The following OTOF variants were observed in gnomAD, a reference collection of about 807,000 sequenced individuals.
OTOF encodes fer-1-like family member 2.
A neutral mutation model predicts 236.8 loss-of-function variants in OTOF; 218 were observed. That is an observed-to-expected ratio of 0.92 (90% CI 0.82 to 1.03). OTOF has a LOEUF of 1.03. OTOF is among the 50% of genes least tolerant of loss of function. The pLI is 0.00. For synonymous variants in OTOF, 1,041 were observed against 1,072.5 expected (o/e 0.97, Z 0.57); for missense variants, 2,590 against 2,694.4 (o/e 0.96, Z 0.86).
At chr2:26,522,153 A>G (rs1269446715) in intron 3 of OTOF, among the ~76,000 whole-genome samples, 3 of 152,204 alleles carry the variant, frequency 2.0e-5, no homozygotes, top group Admixed American at 1.3e-4. Flanking sequence ...CCACACCTCC[A>G]AGAGTGGCTT....
intron 15 of OTOF, 25 bp downstream of exon 15, chr2:26,480,761 G>A: frequency 6.3e-7 from 1 of 1,586,486 alleles, no homozygotes; most frequent in Non-Finnish European, 8.6e-7. Context: ...GGCCCTGGGG[G>A]ACAGCACAGT....
chr2:26,536,546 G>A (rs1475143338), intron 2 of OTOF, among the ~76,000 whole-genome samples: 2 of 152,098 alleles, frequency 1.3e-5, no homozygotes, highest in Non-Finnish European at 2.9e-5. Context: ...TGTGTCTCCA[G>A]CTCTGGGTCG....
In OTOF at chr2:26,481,022, G is replaced by A; in HGVS notation, c.1580-13C>T. ...GTGGGCAGGAAGCCTGTGGCAGTGGGAACAAAAATGAGGGGGCAGCGTCAC... is the reference window on the plus strand; with the variant it reads ...GTGGGCAGGAAGCCTGTGGCAGTGGAAACAAAAATGAGGGGGCAGCGTCAC... On this transcript the variant is annotated splice_polypyrimidine_tract_variant and intron_variant, in intron 14 of 46. Coordinates refer to ENST00000272371, the MANE Select transcript of OTOF (RefSeq NM_194248.3). 1 of 1,599,240 alleles carries A rather than the reference G, an allele frequency of 6.3e-7. No homozygotes were observed. Among genetic ancestry groups the A allele is most frequent in the Non-Finnish European group, 8.6e-7 (1 of 1,167,864 alleles).
chr2:26,476,070 T>G, intron 23 of OTOF, 32 bp from the exon 24 acceptor site: 1 of 1,612,134 alleles, frequency 6.2e-7, no homozygotes, highest in South Asian at 1.1e-5. Flanking sequence ...GGTTCCAGGA[T>G]GGGCAGCCCC....
chr2:26,550,949 G>C (rs973517851), intron 1 of OTOF, among the ~76,000 whole-genome samples: 4 of 152,116 alleles, frequency 2.6e-5, no homozygotes, highest in Admixed American at 2.6e-4. Flanking sequence ...CACCACGTCT[G>C]CACTAGTGTT....
At chr2:26,538,203 G>A (rs1667122421) in intron 1 of OTOF, among the ~76,000 whole-genome samples, 1 of 152,206 alleles carries the variant, frequency 6.6e-6, no homozygotes, top group African/African-American at 2.4e-5. Flanking sequence ...GCCCCTGCCT[G>A]CCGACAGGGG....
chr2:26,479,393 G>A lies in OTOF; in HGVS notation c.2094-9C>T, dbSNP rs746298016. 2.5e-6 allele frequency: 4 copies of A among 1,612,090 alleles called. No homozygotes were observed. The highest frequency in any genetic ancestry group is 2.5e-6 in the Non-Finnish European group (3 of 1,179,750). On this transcript the variant is annotated splice_polypyrimidine_tract_variant and intron_variant, in intron 17 of 46. Coordinates refer to ENST00000272371, the MANE Select transcript of OTOF (RefSeq NM_194248.3). The stretch of plus-strand genomic sequence containing the variant: ...GCAGATGGAAGTAGTTCCTGGGGTG[G>A]GCAGAGGCGGGAGGTGAGGTCTTGG...
intron 3 of OTOF, among the ~76,000 whole-genome samples, chr2:26,522,060 G>A (rs1163029371): frequency 6.6e-6 from 1 of 152,150 alleles, no homozygotes; most frequent in Non-Finnish European, 1.5e-5. Flanking sequence ...GCTGTGCACA[G>A]CCTCGCACAG....
rs1302527364 is a variant in OTOF, at chr2:26,556,416, G to T, written c.79+2077C>A. On this transcript the variant is annotated intron_variant, in intron 1 of 46. Coordinates refer to ENST00000272371, the MANE Select transcript of OTOF (RefSeq NM_194248.3). ...TGAGGCATCTTTCGTTGTAATAAAG[G>T]TACTTTCTGGAAACTGCTTGTCATC... Among the ~76,000 whole-genome samples the T allele has an allele frequency of 1.3e-5, 2 of 152,132 alleles. 1 individual carries two copies. Among genetic ancestry groups the T allele is most frequent in the Non-Finnish European group, 2.9e-5 (2 of 68,030 alleles).
intron 8 of OTOF, among the ~76,000 whole-genome samples, chr2:26,495,969 A>G (rs909966094): frequency 2.6e-5 from 4 of 151,958 alleles, no homozygotes; most frequent in South Asian, 2.1e-4. Flanking sequence ...CCCTTTCCAC[A>G]TTGTTTGCTG....
chr2:26,479,312 G>A lies in OTOF; in HGVS notation c.2166C>T (p.Arg722=). ...IYIKSWWPDQ[R]RRLYNANIMD... Reference sequence around the variant, plus strand: ...TGATGTTGGCATTGTAGAGGCGGCGGCGCTGGTCCGGCCACCAGCTCTTGA... The same window carrying A: ...TGATGTTGGCATTGTAGAGGCGGCGACGCTGGTCCGGCCACCAGCTCTTGA... Residue 722 remains arginine, a synonymous_variant, in exon 18 of 47, where the codon CGC becomes CGT. Transcript: ENST00000272371. 6.2e-7 allele frequency: 1 copy of A among 1,612,342 alleles called. No individual in the cohort carries two copies. Among genetic ancestry groups the A allele is most frequent in the Non-Finnish European group, 8.5e-7 (1 of 1,179,822 alleles).
chr2:26,516,256 G>C (rs1055162452), intron 5 of OTOF, among the ~76,000 whole-genome samples, 162 bp downstream of exon 5: 28 of 152,228 alleles, frequency 1.8e-4, no homozygotes, highest in African/African-American at 6.5e-4. Flanking sequence ...CTGGGTGGGG[G>C]GCTACAGAAA....
At chr2:26,534,839 GGA>G (rs1267709266) in intron 2 of OTOF, among the ~76,000 whole-genome samples, 3 of 152,156 alleles carry the variant, frequency 2.0e-5, no homozygotes, top group Non-Finnish European at 4.4e-5. Context: ...AGAGTAAGAC[GGA>G]GAGAAGAGGC....
chr2:26,458,309 A>G, intron 46 of OTOF, 89 bp from the exon 47 acceptor site: 1 of 1,361,602 alleles, frequency 7.3e-7, no homozygotes, highest in Non-Finnish European at 1.0e-6. Context: ...GACCCCCAAA[A>G]GCCCTGCCAT....
Position 26,462,297 on chromosome 2 carries a change from C to T in OTOF, c.5193-116G>A, listed in dbSNP as rs1287424151. The stretch of plus-strand genomic sequence containing the variant: ...CTGGGGTCTTGGGGTCAGCACAGGG[C>T]CTGGGCCAGGCTGGGGCTGGAGGAG... On this transcript the variant is annotated intron_variant, in intron 41 of 46. Coordinates refer to ENST00000272371, the MANE Select transcript of OTOF (RefSeq NM_194248.3). This position sits in a 1 kb window ranked among gnomAD's most constrained non-coding sequence, Gnocchi z 4.7. 2.2e-6 allele frequency: 2 copies of T among 904,022 alleles called. No individual in the cohort carries two copies. The highest frequency in any genetic ancestry group is 3.3e-5 in the African/African-American group (2 of 61,352). The allele number at this position is 904,022 out of a possible 1,614,324, so 56.0% of individuals were successfully genotyped here.
intron 1 of OTOF, among the ~76,000 whole-genome samples, chr2:26,546,541 C>G (rs2148131530): frequency 6.6e-6 from 1 of 151,706 alleles, no homozygotes; most frequent in Non-Finnish European, 1.5e-5. Context: ...CCCTCCAATT[C>G]TCTTCTCCAT....
chr2:26,535,808 CAG>C lies in OTOF; in HGVS notation c.138+1906_138+1907del, dbSNP rs1667055752. Among the ~76,000 whole-genome samples the C allele has an allele frequency of 2.0e-5, 3 of 152,300 alleles. No homozygotes were observed. The South Asian group carries it at 6.2e-4, about 32-fold the overall frequency. On this transcript the variant is annotated intron_variant, in intron 2 of 46. Coordinates refer to ENST00000272371, the MANE Select transcript of OTOF (RefSeq NM_194248.3). The stretch of plus-strand genomic sequence containing the variant: ...GCCCCTTGTTCAGGGCCAGCAGAGA[CAG>C]ACTCTCCCCCTGAGGCAGGCTGGGC...
Position 26,479,347 on chromosome 2 carries a change from A to G in OTOF, c.2131T>C (p.Cys711Arg). The G allele has an allele frequency of 6.2e-7, 1 of 1,612,840 alleles. No individual in the cohort carries two copies. Among genetic ancestry groups the G allele is most frequent in the Non-Finnish European group, 8.5e-7 (1 of 1,179,948 alleles). Residue 711 changes from cysteine (C) to arginine (R), a missense_variant, in exon 18 of 47, where the codon TGC becomes CGC. By Grantham distance (180) the Cys-to-Arg change is radical (BLOSUM62 -3). This residue lies in a region of OTOF where 1,379 missense variants were observed against 1,341.6 expected (regional missense o/e 1.03). Coordinates refer to ENST00000272371, the MANE Select transcript of OTOF (RefSeq NM_194248.3). ...FHLPYLERKP[C>R]IYIKSWWPDQ... ...GGCCACCAGCTCTTGATGTAGATGC[A>G]GGGCTTTCGCTCCAGGTAGGGCAGA...
Position 26,460,215 on chromosome 2 carries a change from G to GA in OTOF, c.5814-11dup. ...GCTCGTGTCGGGCCGGCTGGAGTAT[G>GA]AAGGGTAGAGAGCGCAGAGGAGGGA... On this transcript the variant is annotated splice_polypyrimidine_tract_variant and intron_variant, in intron 45 of 46. Transcript: ENST00000272371. This position sits in a 1 kb window ranked among gnomAD's most constrained non-coding sequence, Gnocchi z 5.3. The GA allele has an allele frequency of 6.3e-7, 1 of 1,595,730 alleles. No individual in the cohort carries two copies. Among genetic ancestry groups the GA allele is most frequent in the Non-Finnish European group, 8.5e-7 (1 of 1,171,442 alleles).
Sources: allele counts gnomAD v4.1 joint callset (sites outside exome capture counted in the v4.1 genomes callset), GRCh38; gene constraint gnomAD v4.1.1; regional missense constraint gnomAD v4.1.1; non-coding constraint Gnocchi (gnomAD v3.1); transcripts MANE v1.5; gene names NCBI Gene and HGNC (gene_info 2026-07-23, HGNC 2026-07-21).